Variants in APBB1IP observed in about 807,000 individuals in gnomAD.
APBB1IP encodes amyloid beta A4 precursor protein-binding family B member 1-interacting protein.
APBB1IP carries 27 observed loss-of-function variants against 64.9 expected under a neutral mutation model. The observed-to-expected ratio is 0.42, with a 90% CI of 0.31 to 0.57. The LOEUF is 0.57. APBB1IP is among the 20% of genes least tolerant of loss of function. The pLI is 0.20. For synonymous variants in APBB1IP, 392 were observed against 331.0 expected (o/e 1.18, Z -2.00); for missense variants, 812 against 845.5 (o/e 0.96, Z 0.49).
At chr10:26,453,910 T>G (rs1835492597) in intron 2 of APBB1IP, among the ~76,000 whole-genome samples, 1 of 152,232 alleles carries the variant, frequency 6.6e-6, no homozygotes, top group South Asian at 2.1e-4. Context: ...AAAAGATATC[T>G]GCGCTTCTGT....
intron 2 of APBB1IP, among the ~76,000 whole-genome samples, chr10:26,441,332 T>C (rs1330784196): frequency 6.6e-6 from 1 of 152,158 alleles, no homozygotes. Flanking sequence ...TAGAGAAAAC[T>C]GCTAGATATC....
chr10:26,438,486 AAAAT>A (rs1449251065), intron 1 of APBB1IP, 31 bp downstream of exon 1: 1 of 24,666 alleles, frequency 4.1e-5, no homozygotes, highest in Admixed American at 4.2e-4. Context: ...TCCCAGAATT[AAAAT>A]AAAATAAAAT....
At chr10:26,438,983 G>C (rs1473748302) in intron 2 of APBB1IP, 130 bp downstream of exon 2, 1 of 152,216 alleles carries the variant, frequency 6.6e-6, no homozygotes, top group African/African-American at 2.4e-5. Flanking sequence ...CCTCGTGAAC[G>C]CGTGCCCCCA....
chr10:26,505,502 C>G (rs771667228), intron 6 of APBB1IP, among the ~76,000 whole-genome samples: 4 of 152,134 alleles, frequency 2.6e-5, no homozygotes, highest in Non-Finnish European at 4.4e-5. Flanking sequence ...CAATCACTCT[C>G]TCACCTACAA....
At position 26,538,514 on chromosome 10, in the gene APBB1IP, G is replaced by A. The variant is rs557326682; in HGVS notation, c.1044+2297G>A. Among the ~76,000 whole-genome samples, 130 of 150,708 alleles carry A rather than the reference G, an allele frequency of 8.6e-4. 2 individuals carry two copies. The highest frequency in any genetic ancestry group is 6.8e-3 in the Middle Eastern group (2 of 292). ...AAATTAGCCAGGCGTGGTGGCGGGCGCCTGTAATCCCAGCTACTCGGGAGG... is the reference window on the plus strand; with the variant it reads ...AAATTAGCCAGGCGTGGTGGCGGGCACCTGTAATCCCAGCTACTCGGGAGG... On this transcript the variant is annotated intron_variant, in intron 10 of 14. Transcript: ENST00000376236.
chr10:26,518,254 A>ATTTT (rs60123054), intron 8 of APBB1IP, among the ~76,000 whole-genome samples: 1 of 139,200 alleles, frequency 7.2e-6, no homozygotes, highest in Non-Finnish European at 1.5e-5. Context: ...CGCCCAGCCT[A>ATTTT]TTTTTTTTTT....
chr10:26,461,306 G>C (rs575755286), intron 2 of APBB1IP, among the ~76,000 whole-genome samples: 185 of 152,224 alleles, frequency 1.2e-3, no homozygotes, highest in African/African-American at 4.2e-3. Context: ...ATGGCAATGA[G>C]GATAGGGATC....
intron 2 of APBB1IP, among the ~76,000 whole-genome samples, chr10:26,482,310 G>A (rs1449458162): frequency 3.3e-5 from 5 of 152,114 alleles, no homozygotes; most frequent in African/African-American, 9.7e-5. Context: ...CCTGTTTTAC[G>A]CTACACAGAA....
At chr10:26,494,383 A>T (rs1203504993) in intron 3 of APBB1IP, among the ~76,000 whole-genome samples, 2 of 152,250 alleles carry the variant, frequency 1.3e-5, no homozygotes, top group Non-Finnish European at 2.9e-5. Flanking sequence ...CCTTTGACTA[A>T]TAAGTTAATC....
chr10:26,554,458 A>G (rs946066190), intron 11 of APBB1IP, among the ~76,000 whole-genome samples: 1 of 152,116 alleles, frequency 6.6e-6, no homozygotes, highest in African/African-American at 2.4e-5. Flanking sequence ...GCGTGTGCCA[A>G]TCTCTGCCTC....
At chr10:26,457,160 G>C (rs1436511526) in intron 2 of APBB1IP, among the ~76,000 whole-genome samples, 1 of 152,166 alleles carries the variant, frequency 6.6e-6, no homozygotes, top group Non-Finnish European at 1.5e-5. Flanking sequence ...GCTAGGCTGT[G>C]CTTGGTCATT....
intron 8 of APBB1IP, among the ~76,000 whole-genome samples, chr10:26,516,497 T>C (rs1001496686): frequency 4.0e-5 from 5 of 126,256 alleles, no homozygotes; most frequent in African/African-American, 1.5e-4. Flanking sequence ...TAAGCCGAGA[T>C]AGCACCACTG....
Position 26,495,229 on chromosome 10 carries a change from AT to A in APBB1IP, c.73-1074del, listed in dbSNP as rs1836006616. Among the ~76,000 whole-genome samples, 8 of 151,698 alleles carry A rather than the reference AT, an allele frequency of 5.3e-5. No individual in the cohort carries two copies. The South Asian group carries it at 1.5e-3, about 28-fold the overall frequency. ...CACCATGTTGGCCCACATGGTCTCTATCTCCTGATGTTGTGATCTGCCTGCC... is the reference window on the plus strand; with the variant it reads ...CACCATGTTGGCCCACATGGTCTCTACTCCTGATGTTGTGATCTGCCTGCC... On this transcript the variant is annotated intron_variant, in intron 3 of 14. Coordinates refer to ENST00000376236, the MANE Select transcript of APBB1IP (RefSeq NM_019043.4).
rs573896211 is a variant in APBB1IP, at chr10:26,492,845, G to A, written c.72+447G>A. Among the ~76,000 whole-genome samples, 24 of 152,282 alleles carry A rather than the reference G, an allele frequency of 1.6e-4. No individual in the cohort carries two copies. In the East Asian group the frequency reaches 2.5e-3, roughly 16 times the overall value. ...TGAAGTTCCATGCCCCGCTGTGCAC[G>A]CATTGTCATTGGTAAACATCTTAAC... On this transcript the variant is annotated intron_variant, in intron 3 of 14. Coordinates refer to ENST00000376236, the MANE Select transcript of APBB1IP (RefSeq NM_019043.4).
intron 5 of APBB1IP, chr10:26,501,534 G>A: frequency 4.1e-6 from 1 of 241,272 alleles, no homozygotes; most frequent in Non-Finnish European, 8.1e-6. Context: ...GTTGAACTTG[G>A]CAGCCCTGTT....
At chr10:26,440,773 A>G (rs1835330420) in intron 2 of APBB1IP, among the ~76,000 whole-genome samples, 1 of 152,140 alleles carries the variant, frequency 6.6e-6, no homozygotes, top group African/African-American at 2.4e-5. Flanking sequence ...TCATCAATCA[A>G]AGTTTTAAAT....
chr10:26,547,929 G>A (rs1257609736), intron 11 of APBB1IP, among the ~76,000 whole-genome samples: 1 of 151,922 alleles, frequency 6.6e-6, no homozygotes, highest in African/African-American at 2.4e-5. Flanking sequence ...CTTTTGTGGG[G>A]GACACCTTTG....
chr10:26,455,695 T>A (rs1247827889), intron 2 of APBB1IP, among the ~76,000 whole-genome samples: 1 of 151,952 alleles, frequency 6.6e-6, no homozygotes, highest in Non-Finnish European at 1.5e-5. Context: ...GGATTTCTTT[T>A]TTTTTGGTTT....
chr10:26,549,572 T>C (rs1281424056), intron 11 of APBB1IP, among the ~76,000 whole-genome samples: 1 of 152,068 alleles, frequency 6.6e-6, no homozygotes, highest in African/African-American at 2.4e-5. Flanking sequence ...ATTTTAGTCA[T>C]GTTTTCCTAG....
Sources: allele counts gnomAD v4.1 joint callset (sites outside exome capture counted in the v4.1 genomes callset), GRCh38; gene constraint gnomAD v4.1.1; transcripts MANE v1.5; gene names NCBI Gene and HGNC (gene_info 2026-07-23, HGNC 2026-07-21).